AUTS2: variants seen among roughly 807,000 people sequenced by gnomAD.
AUTS2 encodes the protein activator of transcription and developmental regulator AUTS2.
A neutral mutation model predicts 112.4 loss-of-function variants in AUTS2; 17 were observed. The ratio of observed to expected loss-of-function variants is 0.15; its 90% CI spans 0.10 to 0.23. AUTS2 has a LOEUF of 0.23. AUTS2 is among the 10% of genes least tolerant of loss of function. AUTS2 has a pLI of 1.00. For missense variants in AUTS2, 1,510 were observed against 1,701.6 expected, an observed-to-expected ratio of 0.89 and a Z score of 1.98; for synonymous variants, 751 against 702.7, an observed-to-expected ratio of 1.07 and a Z score of -1.09.
chr7:70,378,787 A>C (rs1297907537), intron 4 of AUTS2, among the ~76,000 whole-genome samples: 1 of 152,240 alleles, frequency 6.6e-6, no homozygotes, highest in African/African-American at 2.4e-5. Flanking sequence ...ATAAAATAAC[A>C]TGTAAAATTA....
intron 4 of AUTS2, chr7:70,291,629 C>T (rs1246465224): frequency 1.3e-5 from 2 of 152,124 alleles, no homozygotes; most frequent in Non-Finnish European, 1.5e-5. Flanking sequence ...AAAATTCAGA[C>T]ATGGAATTCA....
At chr7:70,773,399 A>G (rs1790486433) in intron 11 of AUTS2, among the ~76,000 whole-genome samples, 1 of 152,188 alleles carries the variant, frequency 6.6e-6, no homozygotes, top group Non-Finnish European at 1.5e-5. Context: ...GGTTAATATT[A>G]GCAATATTTG....
intron 1 of AUTS2, among the ~76,000 whole-genome samples, chr7:69,668,798 A>G (rs1011538902): frequency 2.6e-5 from 4 of 152,232 alleles, no homozygotes; most frequent in African/African-American, 9.6e-5. Context: ...GGAAAAGATA[A>G]CCAAAATCAT....
chr7:70,193,084 A>T (rs946812217), intron 4 of AUTS2, among the ~76,000 whole-genome samples: 1 of 152,204 alleles, frequency 6.6e-6, no homozygotes, highest in Non-Finnish European at 1.5e-5. Flanking sequence ...CATAATTGTA[A>T]TCATAGATGG....
chr7:70,410,727 A>T (rs1029958925), intron 4 of AUTS2, among the ~76,000 whole-genome samples: 42 of 151,958 alleles, frequency 2.8e-4, no homozygotes, highest in Non-Finnish European at 4.6e-4. Context: ...GGCTGGGTTT[A>T]CCTTTTTATT....
chr7:70,159,909 A>G (rs1807985060), intron 4 of AUTS2, among the ~76,000 whole-genome samples: 1 of 152,160 alleles, frequency 6.6e-6, no homozygotes, highest in Admixed American at 6.5e-5. Flanking sequence ...TGAAGGGTAT[A>G]TAATGTCAGC....
intron 1 of AUTS2, among the ~76,000 whole-genome samples, chr7:69,779,050 T>A (rs28558868): frequency 0.054 from 4,677 of 86,494 alleles, 164 homozygotes; most frequent in African/African-American, 0.098. Flanking sequence ...TTTTTTTTTT[T>A]AAAAAAAAAA....
At chr7:69,671,997 GA>G (rs1014831154) in intron 1 of AUTS2, among the ~76,000 whole-genome samples, 3 of 151,938 alleles carry the variant, frequency 2.0e-5, no homozygotes, top group Non-Finnish European at 2.9e-5. Context: ...GCAGTAGGTT[GA>G]GGGGGGGTCC....
chr7:70,545,778 A>C (rs561531917), intron 5 of AUTS2, among the ~76,000 whole-genome samples: 3 of 152,040 alleles, frequency 2.0e-5, no homozygotes, highest in East Asian at 2.0e-4. Context: ...AGAGCCGTTT[A>C]TGTTCCCATT....
chr7:70,252,649 GA>G (rs1786662246), intron 4 of AUTS2, among the ~76,000 whole-genome samples: 2 of 152,016 alleles, frequency 1.3e-5, no homozygotes. Flanking sequence ...TCATATTCAA[GA>G]AATCTTTTCC....
chr7:70,708,850 T>C (rs1809882949), intron 6 of AUTS2, among the ~76,000 whole-genome samples: 1 of 152,164 alleles, frequency 6.6e-6, no homozygotes, highest in Non-Finnish European at 1.5e-5. Flanking sequence ...CATAAAGATC[T>C]GTACATCACC....
At chr7:70,659,765 G>A (rs1806971750) in intron 5 of AUTS2, among the ~76,000 whole-genome samples, 1 of 152,152 alleles carries the variant, frequency 6.6e-6, no homozygotes, top group Admixed American at 6.5e-5. Context: ...TATACATAGT[G>A]TAATGTCAAA....
intron 5 of AUTS2, among the ~76,000 whole-genome samples, chr7:70,678,691 G>A (rs12533012): frequency 0.18 from 27,829 of 152,106 alleles, 3,456 homozygotes; most frequent in East Asian, 0.58. Context: ...TTTGCAATCC[G>A]TGCTAAAGCA....
At chr7:70,025,133 A>G in intron 2 of AUTS2, among the ~76,000 whole-genome samples, 1 of 152,218 alleles carries the variant, frequency 6.6e-6, no homozygotes, top group South Asian at 2.1e-4. Context: ...AGCATCTACC[A>G]GTAATTGGAT....
chr7:70,470,336 A>G (rs958783145), intron 5 of AUTS2, among the ~76,000 whole-genome samples: 2 of 152,208 alleles, frequency 1.3e-5, no homozygotes, highest in Non-Finnish European at 2.9e-5. Flanking sequence ...AGTTCACCCC[A>G]CTGTGAAAAC....
intron 2 of AUTS2, among the ~76,000 whole-genome samples, chr7:69,989,448 A>G (rs1271583932): frequency 2.6e-5 from 4 of 152,204 alleles, no homozygotes; most frequent in Non-Finnish European, 5.9e-5. Context: ...TAGAGCACCT[A>G]TTAGAGATCA....
chr7:69,690,313 C>G (rs183653628), intron 1 of AUTS2, among the ~76,000 whole-genome samples: 78 of 152,276 alleles, frequency 5.1e-4, no homozygotes, highest in Middle Eastern at 6.8e-3. Flanking sequence ...ATGAATTGCT[C>G]TCACTGTCAC....
intron 4 of AUTS2, among the ~76,000 whole-genome samples, chr7:70,206,374 T>G (rs1431691904): frequency 6.6e-6 from 1 of 152,098 alleles, no homozygotes; most frequent in Admixed American, 6.5e-5. Context: ...TGTTTTTTGT[T>G]TTTTTTTCCT....
At chr7:70,182,713 G>C (rs373842354) in intron 4 of AUTS2, among the ~76,000 whole-genome samples, 51 of 151,894 alleles carry the variant, frequency 3.4e-4, no homozygotes, top group African/African-American at 1.2e-3. Flanking sequence ...TTCTAAGCGG[G>C]ATCCTTACCA....
Sources: allele counts gnomAD v4.1 joint callset (sites outside exome capture counted in the v4.1 genomes callset), GRCh38; gene constraint gnomAD v4.1.1; transcripts MANE v1.5; gene names NCBI Gene and HGNC (gene_info 2026-07-23, HGNC 2026-07-21).